The following FAXDC2 variants were observed in gnomAD, a reference collection of about 807,000 sequenced individuals.
FAXDC2 encodes fatty acid hydroxylase domain containing 2, also known as fatty acid hydroxylase domain-containing protein 2.
In FAXDC2, 41 loss-of-function variants were observed where a neutral mutation model predicts 40.9. That is an observed-to-expected ratio of 1.00 (90% CI 0.78 to 1.30). FAXDC2 has a LOEUF of 1.30. Ranked by LOEUF, FAXDC2 falls within the 50% of genes most tolerant of loss-of-function variation. The pLI is 0.00. For synonymous variants in FAXDC2, 157 were observed against 149.3 expected, an observed-to-expected ratio of 1.05 and a Z score of -0.38; for missense variants, 390 against 408.8, an observed-to-expected ratio of 0.95 and a Z score of 0.40.
intron 6 of FAXDC2, among the ~76,000 whole-genome samples, chr5:154,822,784 G>T (rs1191124057): frequency 6.6e-6 from 1 of 152,068 alleles, no homozygotes; most frequent in Non-Finnish European, 1.5e-5. Context: ...AGTTGTATTC[G>T]CTGTAAAATG....
At chr5:154,848,893 G>A (rs1760669382) in intron 1 of FAXDC2, among the ~76,000 whole-genome samples, 2 of 152,064 alleles carry the variant, frequency 1.3e-5, no homozygotes, top group South Asian at 4.1e-4. Flanking sequence ...CTTGAACCTG[G>A]GAGGCGGAGG....
intron 5 of FAXDC2, among the ~76,000 whole-genome samples, chr5:154,825,058 TAAAAAAAAAAAAA>T (rs70981952): frequency 1.1e-5 from 1 of 90,164 alleles, no homozygotes; most frequent in South Asian, 4.8e-4. Context: ...CCAATCTTGT[TAAAAAAAAAAAAA>T]AAAAAAAAAA....
chr5:154,843,962 T>A (rs959805724), intron 1 of FAXDC2, among the ~76,000 whole-genome samples: 3 of 152,168 alleles, frequency 2.0e-5, no homozygotes, highest in Non-Finnish European at 4.4e-5. Flanking sequence ...CTCATGCCTG[T>A]AATCCCAGCA....
chr5:154,835,530 C>A (rs1343511584), intron 2 of FAXDC2, among the ~76,000 whole-genome samples: 1 of 152,232 alleles, frequency 6.6e-6, no homozygotes, highest in Admixed American at 6.5e-5. Context: ...CATCCCTACC[C>A]TCCTCTTATT....
chr5:154,823,755 C>T, intron 5 of FAXDC2, 163 bp from the exon 6 acceptor site: 1 of 615,554 alleles, frequency 1.6e-6, no homozygotes, highest in Non-Finnish European at 2.9e-6. Flanking sequence ...GGAAACGTTG[C>T]AGAATAAGGC....
At chr5:154,840,020 G>A (rs185386071) in intron 1 of FAXDC2, among the ~76,000 whole-genome samples, 1 of 152,256 alleles carries the variant, frequency 6.6e-6, no homozygotes. Context: ...ATGTTACAAG[G>A]ATGAAAGAAC....
intron 6 of FAXDC2, chr5:154,823,159 A>G (rs981056875): frequency 7.6e-6 from 4 of 523,316 alleles, no homozygotes; most frequent in Middle Eastern, 5.3e-4. Flanking sequence ...CTACAAGTAC[A>G]CACCACCATG....
intron 1 of FAXDC2, among the ~76,000 whole-genome samples, chr5:154,846,930 GT>G (rs1323214163): frequency 1.3e-5 from 2 of 150,112 alleles, no homozygotes; most frequent in East Asian, 3.9e-4. Flanking sequence ...CTGGTTTTTT[GT>G]TTGTTTTTTT....
At chr5:154,821,750 A>C (rs1759894993) in intron 7 of FAXDC2, among the ~76,000 whole-genome samples, 1 of 151,882 alleles carries the variant, frequency 6.6e-6, no homozygotes, top group African/African-American at 2.4e-5. Flanking sequence ...GGTTCCAGCC[A>C]GTCTGGGCAA....
intron 5 of FAXDC2, among the ~76,000 whole-genome samples, chr5:154,828,619 C>T (rs1271832710): frequency 6.6e-6 from 1 of 151,350 alleles, no homozygotes; most frequent in Non-Finnish European, 1.5e-5. Context: ...CCCCTAGAGA[C>T]AGTGTCTCAC....
chr5:154,845,957 T>G (rs1249328225), intron 1 of FAXDC2, among the ~76,000 whole-genome samples: 1 of 150,782 alleles, frequency 6.6e-6, no homozygotes, highest in African/African-American at 2.4e-5. Context: ...AGCTAATTTT[T>G]GTATATATAT....
chr5:154,844,109 C>G (rs1319185483), intron 1 of FAXDC2, among the ~76,000 whole-genome samples: 1 of 151,872 alleles, frequency 6.6e-6, no homozygotes, highest in African/African-American at 2.4e-5. Context: ...ATCCCAGCTA[C>G]CAGGAGGCTG....
At position 154,823,502 on chromosome 5, in the gene FAXDC2, AG is replaced by A; in HGVS notation, c.456del (p.Phe153SerfsTer28). The A allele has an allele frequency of 6.2e-7, 1 of 1,614,168 alleles. No homozygotes were observed. Among genetic ancestry groups the A allele is most frequent in the Admixed American group, 1.7e-5 (1 of 60,034 alleles). ...ISFPMVVFLY[P>X]FLKWWRDPCR... ...CAGGGGTCTCTCCACCATTTGAGGA[AG>A]GGATAGAGGAAGACCACCATGGGGA... On this transcript the variant is annotated frameshift_variant, in exon 6 of 9. Transcript: ENST00000326080. LOFTEE classifies it high-confidence loss of function.
At position 154,844,090 on chromosome 5, in the gene FAXDC2, G is replaced by T. The variant is rs944810184; in HGVS notation, c.1-5912C>A. Among the ~76,000 whole-genome samples the T allele has an allele frequency of 3.3e-5, 5 of 152,134 alleles. 1 individual carries two copies. The South Asian group carries it at 1.0e-3, about 32-fold the overall frequency. ...AAAAATTAGCTGGGCATGGTGGCGG[G>T]TGCCTGTAATCCCAGCTACCAGGAG... is the stretch of plus-strand genomic sequence containing the variant. On this transcript the variant is annotated intron_variant, in intron 1 of 8. Transcript: ENST00000326080.
At chr5:154,848,045 T>C (rs1189979139) in intron 1 of FAXDC2, among the ~76,000 whole-genome samples, 1 of 152,042 alleles carries the variant, frequency 6.6e-6, no homozygotes, top group East Asian at 1.9e-4. Flanking sequence ...TTCACCATGT[T>C]AGCCAGGATG....
intron 1 of FAXDC2, among the ~76,000 whole-genome samples, chr5:154,849,012 G>T (rs1760672496): frequency 6.7e-6 from 1 of 149,746 alleles, no homozygotes; most frequent in Non-Finnish European, 1.5e-5. Context: ...GGGCACGTTG[G>T]CTTATGCCTG....
rs140108401 is a variant in FAXDC2 at position 154,821,664 on chromosome 5, G to A, written c.679-238C>T. Among the ~76,000 whole-genome samples, 3 of 152,258 alleles carry A rather than the reference G, an allele frequency of 2.0e-5. No individual in the cohort carries two copies. The East Asian group carries it at 5.8e-4, about 29-fold the overall frequency. ...ATTAAGATTAAAAAGGTTGTTGGAG[G>A]AGCCAGGTGTGGTGATTCATGCCTG... On this transcript the variant is annotated intron_variant, in intron 7 of 8. Coordinates refer to ENST00000326080, the MANE Select transcript of FAXDC2 (RefSeq NM_032385.5).
At chr5:154,835,900 T>C (rs1287440110) in intron 2 of FAXDC2, among the ~76,000 whole-genome samples, 4 of 128,524 alleles carry the variant, frequency 3.1e-5, no homozygotes, top group Non-Finnish European at 6.7e-5. Context: ...TTTTTTTTTT[T>C]TTTTTTTTTT....
At chr5:154,848,141 C>A (rs1279267562) in intron 1 of FAXDC2, among the ~76,000 whole-genome samples, 5 of 152,042 alleles carry the variant, frequency 3.3e-5, no homozygotes. Context: ...GCCCGGCCTA[C>A]TGAATGTTCC....
Sources: allele counts gnomAD v4.1 joint callset (sites outside exome capture counted in the v4.1 genomes callset), GRCh38; gene constraint gnomAD v4.1.1; transcripts MANE v1.5; gene names NCBI Gene and HGNC (gene_info 2026-07-23, HGNC 2026-07-21).